Variants in SEM1 observed in about 807,000 individuals in gnomAD.
SEM1 encodes SEM1 26S proteasome subunit, also known as 26S proteasome complex subunit SEM1.
Under a neutral mutation model 12.7 loss-of-function variants are expected in SEM1, and 3 were observed. The observed-to-expected ratio is 0.24, with a 90% confidence interval of 0.11 to 0.61. The LOEUF (loss-of-function observed/expected upper bound fraction) is 0.61. Ranked by LOEUF, SEM1 falls within the 20% of genes least tolerant of loss-of-function variation. The pLI is 0.88. For synonymous variants in SEM1, 30 were observed against 27.8 expected, an observed-to-expected ratio of 1.08 and a Z score of -0.25; for missense variants, 59 against 81.3, an observed-to-expected ratio of 0.73 and a Z score of 1.06.
intron 1 of SEM1, chr7:96,695,801 A>C (rs1389183815): frequency 6.6e-6 from 1 of 151,952 alleles, no homozygotes; most frequent in Non-Finnish European, 1.5e-5. Flanking sequence ...CCAGCTTCCT[A>C]AACTGTTAAG....
At chr7:96,659,714 G>T (rs1788921487) in intron 2 of SEM1, among the ~76,000 whole-genome samples, 1 of 151,928 alleles carries the variant, frequency 6.6e-6, no homozygotes, top group Non-Finnish European at 1.5e-5. Flanking sequence ...TATTGGTATT[G>T]CTTACTAATT....
intron 2 of SEM1, among the ~76,000 whole-genome samples, chr7:96,662,063 C>T (rs1017213268): frequency 6.0e-5 from 9 of 150,994 alleles, no homozygotes; most frequent in East Asian, 5.9e-4. Flanking sequence ...AATGCTTTTA[C>T]GCTGTTGCTG....
chr7:96,555,947 G>C (rs961509812), intron 2 of SEM1, among the ~76,000 whole-genome samples: 5 of 143,560 alleles, frequency 3.5e-5, no homozygotes, highest in African/African-American at 5.1e-5. Context: ...TTATGTAATG[G>C]CCTTCTTTGT....
chr7:96,585,857 G>A (rs1352850163), intron 2 of SEM1, among the ~76,000 whole-genome samples: 1 of 152,082 alleles, frequency 6.6e-6, no homozygotes, highest in Non-Finnish European at 1.5e-5. Context: ...ACTGACCTGC[G>A]CCCACTGTCT....
chr7:96,607,757 T>C (rs79964299), intron 2 of SEM1, among the ~76,000 whole-genome samples: 4,382 of 152,178 alleles, frequency 0.029, 192 homozygotes, highest in African/African-American at 0.1. Context: ...CCTTGGGAGG[T>C]GACTTCCACA....
intron 2 of SEM1, among the ~76,000 whole-genome samples, chr7:96,594,526 A>C (rs1806936874): frequency 6.6e-6 from 1 of 152,214 alleles, no homozygotes; most frequent in South Asian, 2.1e-4. Context: ...CTATCAGCTT[A>C]TCTCTTAAAG....
chr7:96,686,257 G>A (rs927966984), downstream of SEM1, among the ~76,000 whole-genome samples: 1 of 152,026 alleles, frequency 6.6e-6, no homozygotes, highest in Admixed American at 6.6e-5. Flanking sequence ...TACTTCAGAT[G>A]TGTTTTTATC....
chr7:96,611,235 C>G (rs994130452), intron 2 of SEM1, among the ~76,000 whole-genome samples: 2 of 152,158 alleles, frequency 1.3e-5, no homozygotes, highest in Non-Finnish European at 2.9e-5. Context: ...TTCAGAGATT[C>G]ACGTGCTTTT....
intron 2 of SEM1, among the ~76,000 whole-genome samples, chr7:96,532,926 C>G (rs1162390680): frequency 6.6e-6 from 1 of 152,024 alleles, no homozygotes; most frequent in African/African-American, 2.4e-5. Context: ...GTTAATATCT[C>G]CTGAACTGCA....
chr7:96,689,158 AT>A (rs1021725439), intron 2 of SEM1, among the ~76,000 whole-genome samples, 192 bp from the exon 3 acceptor site: 1 of 152,100 alleles, frequency 6.6e-6, no homozygotes, highest in Admixed American at 6.6e-5. Context: ...ATACTATAAA[AT>A]TTTGTTTTTC....
chr7:96,567,841 C>A (rs1005512974), intron 2 of SEM1, among the ~76,000 whole-genome samples: 8 of 151,230 alleles, frequency 5.3e-5, no homozygotes, highest in Non-Finnish European at 1.0e-4. Flanking sequence ...ATGATGTATT[C>A]TTTTAAAGCA....
chr7:96,587,663 T>TC lies in SEM1; in HGVS notation c.171-80966_171-80965insG, dbSNP rs1290932162. ...GATTAAGACTTTCTTGTTTTTTTTTTTTCCCCAGGAAAATGGACATTCTGA... is the reference window on the plus strand; with the variant it reads ...GATTAAGACTTTCTTGTTTTTTTTTTCTTCCCCAGGAAAATGGACATTCTGA... On this transcript the variant is annotated intron_variant and NMD_transcript_variant, in intron 2 of 3. Coordinates refer to the SEM1 transcript ENST00000466986. Among the ~76,000 whole-genome samples the TC allele has an allele frequency of 1.8e-4, 25 of 136,460 alleles. No individual in the cohort carries two copies. The South Asian group carries it at 4.8e-3, about 26-fold the overall frequency. 89.5% of individuals were successfully genotyped at this position (136,460 alleles called of 152,430 possible).
chr7:96,703,915 C>T (rs931243574), intron 1 of SEM1, among the ~76,000 whole-genome samples: 7 of 150,648 alleles, frequency 4.6e-5, no homozygotes, highest in African/African-American at 1.5e-4. Flanking sequence ...TCTGTGACAG[C>T]GCCACTGTAC....
rs1473980246 is a variant in SEM1, at chr7:96,597,003, G to A, written c.171-90305C>T. On this transcript the variant is annotated intron_variant and NMD_transcript_variant, in intron 2 of 3. Transcript: ENST00000466986. ...AAATGAGCTATAAAATTACACTGAAGCTGGTATTGTAACAGGAGAATGGGG... is the reference window on the plus strand; with the variant it reads ...AAATGAGCTATAAAATTACACTGAAACTGGTATTGTAACAGGAGAATGGGG... Among the ~76,000 whole-genome samples, 4 of 152,282 alleles carry A rather than the reference G, an allele frequency of 2.6e-5. No homozygotes were observed. In the South Asian group the frequency reaches 6.2e-4, roughly 24 times the overall value.
chr7:96,675,787 A>G (rs908128753), intron 2 of SEM1, among the ~76,000 whole-genome samples: 1 of 152,204 alleles, frequency 6.6e-6, no homozygotes, highest in African/African-American at 2.4e-5. Context: ...GGAAGAGGAC[A>G]TGGACAGATG....
At chr7:96,506,196 T>C (rs1803749079) in intron 3 of SEM1, among the ~76,000 whole-genome samples, 1 of 152,124 alleles carries the variant, frequency 6.6e-6, no homozygotes, top group South Asian at 2.1e-4. Flanking sequence ...CCAGATCATC[T>C]TGTATATTTC....
At chr7:96,706,957 C>T (rs2116060314) in intron 1 of SEM1, among the ~76,000 whole-genome samples, 1 of 152,268 alleles carries the variant, frequency 6.6e-6, no homozygotes, top group Admixed American at 6.5e-5. Context: ...AAATAATTTT[C>T]CAAAGTACAG....
intron 2 of SEM1, among the ~76,000 whole-genome samples, chr7:96,646,909 A>T (rs1221426640): frequency 6.6e-6 from 1 of 152,144 alleles, no homozygotes; most frequent in Non-Finnish European, 1.5e-5. Flanking sequence ...GCCTAGGTCA[A>T]TCCTCCAGCC....
intron 2 of SEM1, among the ~76,000 whole-genome samples, chr7:96,516,184 C>A (rs1804090619): frequency 6.6e-6 from 1 of 152,008 alleles, no homozygotes; most frequent in South Asian, 2.1e-4. Flanking sequence ...TAACCAATGA[C>A]TTTAGAGATA....
Sources: gnomAD v4.1 joint callset for allele counts (sites outside exome capture counted in the v4.1 genomes callset) on GRCh38, gnomAD v4.1.1 for gene constraint, MANE v1.5 for transcripts, NCBI Gene and HGNC (gene_info 2026-07-23, HGNC 2026-07-21) for gene names.